The following IGSF10 variants were observed in gnomAD, a reference collection of about 807,000 sequenced individuals.
IGSF10 encodes immunoglobulin superfamily member 10, also known as calvaria mechanical force protein 608.
A neutral mutation model predicts 128.2 loss-of-function variants in IGSF10; 126 were observed. That is an observed-to-expected ratio of 0.98 (90% confidence interval 0.85 to 1.14). IGSF10 has a LOEUF of 1.14. Among genes scored for constraint, IGSF10 ranks in the 50% most tolerant of loss-of-function variants. The pLI is 0.00. For missense variants in IGSF10, 3,295 were observed against 3,149.8 expected, an observed-to-expected ratio of 1.05 and a Z score of -1.10; for synonymous variants, 1,185 against 1,146.2, an observed-to-expected ratio of 1.03 and a Z score of -0.68.
chr3:151,553,618 C>T, the IGSF10 span, among the ~76,000 whole-genome samples: 1 of 146,422 alleles, frequency 6.8e-6, no homozygotes, highest in Non-Finnish European at 1.5e-5. Context: ...CTCTGTGTCT[C>T]TGTCTCTCTC....
At chr3:151,489,557 G>T in the IGSF10 span, among the ~76,000 whole-genome samples, 1 of 152,010 alleles carries the variant, frequency 6.6e-6, no homozygotes, top group African/African-American at 2.4e-5. Flanking sequence ...AAATAGCAAA[G>T]ACTTAGAACC....
At chr3:151,433,056 C>T (rs1177024479), downstream of IGSF10, 7 of 415,058 alleles carry the variant, frequency 1.7e-5, no homozygotes, top group African/African-American at 8.1e-5. Flanking sequence ...GGCCTACTCC[C>T]GGAAGAGTGT....
At chr3:151,433,937 A>G (rs1719806907), downstream of IGSF10, 1 of 152,674 alleles carries the variant, frequency 6.5e-6, no homozygotes, top group South Asian at 2.1e-4. Flanking sequence ...AATAGTAACT[A>G]TTTTAACTTT....
At chr3:151,575,705 T>G in the IGSF10 span, among the ~76,000 whole-genome samples, 1 of 152,222 alleles carries the variant, frequency 6.6e-6, no homozygotes, top group Non-Finnish European at 1.5e-5. Context: ...CCTACCGTGC[T>G]TCGGCTCACC....
chr3:151,595,192 G>A, the IGSF10 span, among the ~76,000 whole-genome samples: 1 of 152,100 alleles, frequency 6.6e-6, no homozygotes, highest in Non-Finnish European at 1.5e-5. Context: ...CGGACATTAT[G>A]GAAAACAGTA....
chr3:151,485,299 A>G, the IGSF10 span, among the ~76,000 whole-genome samples: 1 of 152,196 alleles, frequency 6.6e-6, no homozygotes, highest in African/African-American at 2.4e-5. Flanking sequence ...GTATGGGACT[A>G]TGTAAAAAGA....
In IGSF10 at chr3:151,443,661, A is replaced by G. The variant is rs755021169; in HGVS notation, c.5286T>C (p.Thr1762=). 4 of 1,614,094 alleles carry G rather than the reference A, an allele frequency of 2.5e-6. No individual in the cohort carries two copies. The Admixed American group carries it at 5.0e-5, about 20-fold the overall frequency. The change falls in exon 7 of 8, where the codon ACT becomes ACC. Residue 1762 remains threonine, a synonymous_variant. Transcript: ENST00000282466. The stretch of plus-strand genomic sequence containing the variant: ...CTTCTGCTCTGCACTTCAGTTCCAC[A>G]GTGCTTCCGGAATGAACTGTGATCT... ...TKEITVHSGS[T]VELKCRAEGR... is the part of the protein sequence containing the mutation.
the IGSF10 span, among the ~76,000 whole-genome samples, chr3:151,529,517 A>T: frequency 2.6e-5 from 4 of 152,216 alleles, no homozygotes; most frequent in African/African-American, 4.8e-5. Flanking sequence ...AGGAACAGGC[A>T]GCAATCTTTG....
At chr3:151,506,298 T>C in the IGSF10 span, among the ~76,000 whole-genome samples, 5 of 152,130 alleles carry the variant, frequency 3.3e-5, no homozygotes, top group African/African-American at 1.2e-4. Flanking sequence ...AATCCAGGCA[T>C]ACAATGCTTT....
rs750357876 is a variant in IGSF10 at position 151,448,739 on chromosome 3, A to G, written c.1242T>C (p.Ile414=). 1 of 1,613,646 alleles carries G rather than the reference A, an allele frequency of 6.2e-7. No individual in the cohort carries two copies. The highest frequency in any genetic ancestry group is 8.5e-7 in the Non-Finnish European group (1 of 1,179,586). ...TGAGATCTGCCTCTATGTTGGTAAA[A>G]ATGTCTTCAGGCTTAGGAGCCACCT... The part of the protein sequence containing the change: ...YKQVAPKPED[I]FTNIEADLRA... Residue 414 remains isoleucine, a synonymous_variant, in exon 6 of 8, where the codon ATT becomes ATC. Coordinates refer to ENST00000282466, the MANE Select transcript of IGSF10 (RefSeq NM_178822.5).
the IGSF10 span, among the ~76,000 whole-genome samples, chr3:151,514,644 G>C: frequency 6.6e-6 from 1 of 152,128 alleles, no homozygotes; most frequent in Non-Finnish European, 1.5e-5. Flanking sequence ...AAGAGCTTCT[G>C]CACAGCAAAA....
chr3:151,584,067 G>T, the IGSF10 span, among the ~76,000 whole-genome samples: 1 of 152,100 alleles, frequency 6.6e-6, no homozygotes, highest in African/African-American at 2.4e-5. Flanking sequence ...CTTTAGTTGT[G>T]GATTTGTGTA....
At chr3:151,568,535 A>C in the IGSF10 span, among the ~76,000 whole-genome samples, 1 of 152,166 alleles carries the variant, frequency 6.6e-6, no homozygotes, top group Non-Finnish European at 1.5e-5. Context: ...GCTCACACAG[A>C]GTTCTCTTTC....
the IGSF10 span, among the ~76,000 whole-genome samples, chr3:151,526,124 A>G: frequency 6.6e-6 from 1 of 152,216 alleles, no homozygotes; most frequent in Non-Finnish European, 1.5e-5. Context: ...ACTTCTGGCT[A>G]ACATTTGGCA....
In IGSF10 at chr3:151,437,567, C is replaced by G. The variant is rs1184790439; in HGVS notation, c.6994G>C (p.Glu2332Gln). The G allele has an allele frequency of 6.2e-7, 1 of 1,614,078 alleles. No individual in the cohort carries two copies. Among genetic ancestry groups the G allele is most frequent in the African/African-American group, 1.3e-5 (1 of 74,926 alleles). ...SVLVVQLEVL[E>Q]MLRRPTFRNP... ...CTAAATGTCGGTCTTCTCAGCATTT[C>G]CAGTACTTCTAACTGTACTACCAAC... Residue 2332 changes from glutamate (E) to glutamine (Q), a missense_variant, in exon 8 of 8, where the codon GAA becomes CAA. Physicochemically the swap from Glu to Gln is conservative, Grantham distance 29. Coordinates refer to ENST00000282466, the MANE Select transcript of IGSF10 (RefSeq NM_178822.5).
chr3:151,599,890 A>G, the IGSF10 span, among the ~76,000 whole-genome samples: 1 of 152,202 alleles, frequency 6.6e-6, no homozygotes, highest in East Asian at 1.9e-4. Context: ...TTAGGACAGC[A>G]TGGGAAAGTT....
chr3:151,480,648 C>T, the IGSF10 span, among the ~76,000 whole-genome samples: 14 of 151,980 alleles, frequency 9.2e-5, no homozygotes, highest in African/African-American at 3.4e-4. Flanking sequence ...CTGCACCATG[C>T]CCACCCAGTA....
At chr3:151,486,090 C>T in the IGSF10 span, among the ~76,000 whole-genome samples, 1 of 151,952 alleles carries the variant, frequency 6.6e-6, no homozygotes, top group Non-Finnish European at 1.5e-5. Flanking sequence ...TAGGCTCAAA[C>T]TAAAGGGATG....
intron 6 of IGSF10, among the ~76,000 whole-genome samples, chr3:151,444,114 C>T (rs921230774): frequency 6.6e-6 from 1 of 151,778 alleles, no homozygotes; most frequent in African/African-American, 2.4e-5. Flanking sequence ...TCTCTACAAA[C>T]AAAAAATAAA....
Sources: gnomAD v4.1 joint callset for allele counts (sites outside exome capture counted in the v4.1 genomes callset) on GRCh38, gnomAD v4.1.1 for gene constraint, MANE v1.5 for transcripts, NCBI Gene and HGNC (gene_info 2026-07-23, HGNC 2026-07-21) for gene names.